Variants in BCAR1 observed in about 807,000 individuals in gnomAD.
BCAR1 encodes the protein breast cancer anti-estrogen resistance protein 1.
Under a neutral mutation model 67.6 loss-of-function variants are expected in BCAR1, and 30 were observed. The ratio of observed to expected loss-of-function variants is 0.44; its 90% CI spans 0.33 to 0.60. The LOEUF is 0.60. BCAR1 is among the 20% of genes least tolerant of loss of function. The pLI is 0.02. For missense variants in BCAR1, 1,313 were observed against 1,222.3 expected, an observed-to-expected ratio of 1.07 and a Z score of -1.11; for synonymous variants, 626 against 556.7, an observed-to-expected ratio of 1.12 and a Z score of -1.75.
At chr16:75,250,604 C>T in intron 1 of BCAR1, 2 of 981,920 alleles carry the variant, frequency 2.0e-6, no homozygotes, top group Non-Finnish European at 1.2e-6. Flanking sequence ...ACCCCAACAT[C>T]TTCCAGGCCG....
chr16:75,265,566 CT>C (rs2077990144), intron 1 of BCAR1, among the ~76,000 whole-genome samples: 1 of 152,004 alleles, frequency 6.6e-6, no homozygotes, highest in African/African-American at 2.4e-5. Flanking sequence ...ACCTAGCCAT[CT>C]TGGGGGGCTC....
In BCAR1 at chr16:75,242,649, T is replaced by C. The variant is rs61736968; in HGVS notation, c.454A>G (p.Thr152Ala). The C allele has an allele frequency of 5.8e-3, 8,805 of 1,521,840 alleles. 19 individuals carry two copies. The highest frequency in any genetic ancestry group is 6.9e-3 in the Non-Finnish European group (7,797 of 1,135,356). The allele number at this position is 1,521,840 out of a possible 1,614,324, so 94.3% of individuals were successfully genotyped here. ...AKQTSTFSKQ[T>A]PHHPFPSPAT... is the part of the protein sequence containing the mutation. The stretch of plus-strand genomic sequence containing the variant: ...GGGCTGGGAAACGGGTGATGGGGTG[T>C]CTGCTTCGAGAAGGTGGATGTCTGC... The change falls in exon 2 of 7, where the codon ACA becomes GCA. Residue 152 changes from threonine to alanine, a missense_variant. Physicochemically the swap from Thr to Ala is moderately conservative, Grantham distance 58. Transcript: ENST00000162330.
At chr16:75,257,831 G>A (rs558990893) in intron 1 of BCAR1, among the ~76,000 whole-genome samples, 11 of 152,254 alleles carry the variant, frequency 7.2e-5, no homozygotes, top group South Asian at 2.1e-4. Context: ...AGCCTATGCC[G>A]GCCTATAGAT....
intron 1 of BCAR1, chr16:75,263,302 C>G (rs2077944217): frequency 1.0e-6 from 1 of 985,462 alleles, no homozygotes; most frequent in African/African-American, 1.7e-5. Flanking sequence ...GACTCCCAAG[C>G]CAATGCCAGC....
At chr16:75,248,988 C>G (rs1021511125) in intron 1 of BCAR1, 8 of 152,384 alleles carry the variant, frequency 5.2e-5, no homozygotes, top group African/African-American at 1.9e-4. Context: ...AGTCCTCACT[C>G]CAGCCAGGGC....
At chr16:75,249,918 A>G (rs1340320571) in intron 1 of BCAR1, 1 of 152,278 alleles carries the variant, frequency 6.6e-6, no homozygotes, top group Non-Finnish European at 1.5e-5. Flanking sequence ...TCTGGATCCA[A>G]TTCTGAGGAC....
At chr16:75,257,071 GC>G (rs1370842079) in intron 1 of BCAR1, among the ~76,000 whole-genome samples, 1 of 152,168 alleles carries the variant, frequency 6.6e-6, no homozygotes, top group Admixed American at 6.5e-5. Context: ...GGGCAAAGGG[GC>G]AAGCTCTGTC....
intron 2 of BCAR1, chr16:75,239,206 C>T (rs553144626): frequency 5.1e-6 from 4 of 780,116 alleles, no homozygotes; most frequent in Non-Finnish European, 6.2e-6. Context: ...CTGCTGCACA[C>T]CTGAGACCCC....
intron 2 of BCAR1, chr16:75,239,065 G>C (rs906662053): frequency 3.0e-6 from 3 of 985,310 alleles, no homozygotes; most frequent in Non-Finnish European, 3.6e-6. Context: ...GCCACTCTTG[G>C]AGCTGAGTCG....
At position 75,229,165 on chromosome 16, in the gene BCAR1, G is replaced by A. The variant is rs1045641633; in HGVS notation, c.*346C>T. 7.2e-5 allele frequency: 19 copies of A among 264,262 alleles called. No homozygotes were observed. The highest frequency in any genetic ancestry group is 3.7e-4 in the African/African-American group (17 of 45,432). 16.4% of individuals were successfully genotyped at this position (264,262 alleles called of 1,614,324 possible). On this transcript the variant is annotated 3_prime_UTR_variant, in exon 7 of 7. Coordinates refer to ENST00000162330, the MANE Select transcript of BCAR1 (RefSeq NM_014567.5). Reference sequence around the variant, plus strand: ...CACCAAACTGCACTGGCCCTGTCAGGGGACACGGCACCCTCGTGGGACCAG... The same window carrying A: ...CACCAAACTGCACTGGCCCTGTCAGAGGACACGGCACCCTCGTGGGACCAG...
At chr16:75,236,145 C>A in intron 4 of BCAR1, 159 bp from the exon 5 acceptor site, 5 of 886,096 alleles carry the variant, frequency 5.6e-6, no homozygotes, top group Non-Finnish European at 8.4e-6. Flanking sequence ...AATGCAGAGG[C>A]ACGCACACAG....
upstream of BCAR1, chr16:75,251,942 G>A: frequency 1.8e-6 from 1 of 555,998 alleles, no homozygotes; most frequent in Non-Finnish European, 3.2e-6. Context: ...TCCACTTCTG[G>A]GAAGGCTGCC....
At chr16:75,251,354 C>A (rs2077674674) in intron 1 of BCAR1, 117 bp downstream of exon 1, 33 of 1,373,050 alleles carry the variant, frequency 2.4e-5, no homozygotes, top group East Asian at 3.2e-5. Context: ...GCCGCGGACC[C>A]CGGCCGGCGG....
chr16:75,260,635 A>AAC (rs1449772516), intron 1 of BCAR1, among the ~76,000 whole-genome samples: 3 of 21,628 alleles, frequency 1.4e-4, no homozygotes, highest in Non-Finnish European at 9.3e-5. Context: ...CTCCATCTCA[A>AAC]AAAAAAAAAA....
intron 2 of BCAR1, among the ~76,000 whole-genome samples, chr16:75,239,744 T>C (rs2077272811): frequency 6.6e-6 from 1 of 151,946 alleles, no homozygotes; most frequent in South Asian, 2.1e-4. Flanking sequence ...TGGGTCATGG[T>C]GGCCTGAGGG....
rs774685128 is a variant in BCAR1 at position 75,233,877 on chromosome 16, C to T, written c.2069G>A (p.Arg690Gln). 3.2e-5 allele frequency: 51 copies of T among 1,610,010 alleles called. No homozygotes were observed. In the African/African-American group the frequency reaches 5.3e-4, roughly 17 times the overall value. The change falls in exon 6 of 7, where the codon CGG becomes CAG. Residue 690 changes from arginine (R) to glutamine (Q), a missense_variant. Physicochemically the swap from Arg to Gln is conservative, Grantham distance 43. This residue lies in a region of BCAR1 where 1,272 missense variants were observed against 1,137.5 expected (regional missense o/e 1.12). Coordinates refer to ENST00000162330, the MANE Select transcript of BCAR1 (RefSeq NM_014567.5). ...CAACTCCAGCTGGCTCTTGCCCTGC[C>T]GCGTGATGCTGCCCTTTTCCAGCAG... is the stretch of plus-strand genomic sequence containing the variant. ...KELLEKGSIT[R>Q]QGKSQLELQQ...
At chr16:75,254,735 G>GA (rs2077741544), upstream of BCAR1, among the ~76,000 whole-genome samples, 1 of 152,316 alleles carries the variant, frequency 6.6e-6, no homozygotes, top group South Asian at 2.1e-4. Context: ...GTCATCCCAG[G>GA]AGTGGCCTGG....
At chr16:75,266,851 C>T (rs1182360133) in intron 1 of BCAR1, 6 of 1,213,658 alleles carry the variant, frequency 4.9e-6, no homozygotes, top group African/African-American at 1.5e-5. Context: ...GGAGGAAAGA[C>T]GGAGCCAGCT....
chr16:75,242,867 G>T lies in BCAR1; in HGVS notation c.236C>A (p.Pro79His), dbSNP rs200988537. The change falls in exon 2 of 7, where the codon CCC becomes CAC. Residue 79 changes from proline to histidine, a missense_variant. Physicochemically the swap from Pro to His is moderately conservative, Grantham distance 77 (BLOSUM62 -2). This residue lies in a region of BCAR1 where 1,272 missense variants were observed against 1,137.5 expected (regional missense o/e 1.12). Transcript: ENST00000162330. ...AGGCTGAGGCTGGGCCGGGGTGGCGGGAGGGCCGGGGCCAGGCCCTGCTGG... is the reference window on the plus strand; with the variant it reads ...AGGCTGAGGCTGGGCCGGGGTGGCGTGAGGGCCGGGGCCAGGCCCTGCTGG... ...KKPAGPGPGP[P>H]ATPAQPQPGL... is the part of the protein sequence containing the mutation. 215 of 1,609,706 alleles carry T rather than the reference G, an allele frequency of 1.3e-4. No homozygotes were observed. Among genetic ancestry groups the T allele is most frequent in the Middle Eastern group, 1.2e-3 (7 of 5,742 alleles).
Sources: allele counts gnomAD v4.1 joint callset (sites outside exome capture counted in the v4.1 genomes callset), GRCh38; gene constraint gnomAD v4.1.1; regional missense constraint gnomAD v4.1.1; transcripts MANE v1.5; gene names NCBI Gene and HGNC (gene_info 2026-07-23, HGNC 2026-07-21).